The following TMED3 variants were observed in gnomAD, a reference collection of about 807,000 sequenced individuals.
TMED3 encodes the protein transmembrane emp24 domain-containing protein 3.
A neutral mutation model predicts 15.0 loss-of-function variants in TMED3; 9 were observed. That is an observed-to-expected ratio of 0.60 (90% CI 0.36 to 1.04). TMED3 has a LOEUF of 1.04. Ranked by LOEUF, TMED3 falls within the 50% of genes least tolerant of loss-of-function variation. The probability of loss-of-function intolerance (pLI) is 0.01; values close to 1 mark genes in which losing one functional copy is unlikely to be tolerated. For synonymous variants in TMED3, 117 were observed against 121.4 expected, an observed-to-expected ratio of 0.96 and a Z score of 0.24; for missense variants, 267 against 278.9, an observed-to-expected ratio of 0.96 and a Z score of 0.30.
chr15:79,401,707 C>T (rs1434715445), intron 2 of TMED3, among the ~76,000 whole-genome samples: 1 of 152,122 alleles, frequency 6.6e-6, no homozygotes, highest in Non-Finnish European at 1.5e-5. Flanking sequence ...ACCTTTCTGC[C>T]TCTGAGTGCC....
chr15:79,403,346 C>T (rs1161214052), intron 2 of TMED3, among the ~76,000 whole-genome samples: 4 of 151,900 alleles, frequency 2.6e-5, no homozygotes, highest in African/African-American at 9.7e-5. Flanking sequence ...TTTATCTCCC[C>T]TTCCAGAATT....
chr15:79,390,018 A>G (rs144245251), intron 2 of TMED3, among the ~76,000 whole-genome samples: 5,501 of 152,248 alleles, frequency 0.036, 146 homozygotes, highest in Admixed American at 0.083. Context: ...TAGGTAAACA[A>G]TCATATAATC....
chr15:79,385,374 C>T (rs1476024231), intron 2 of TMED3, among the ~76,000 whole-genome samples: 1 of 152,190 alleles, frequency 6.6e-6, no homozygotes, highest in African/African-American at 2.4e-5. Context: ...GTCCCACTTC[C>T]ACAGCACCTC....
At position 79,317,241 on chromosome 15, in the gene TMED3, G is replaced by A. The variant is rs756306566; in HGVS notation, c.417+3236G>A. ...TCCGTGCCGGTTTCTGGCCTGTGTC[G>A]CTGGATCTAGGCCTTTAAAGTGATG... On this transcript the variant is annotated intron_variant, in intron 2 of 2. Coordinates refer to ENST00000299705, the MANE Select transcript of TMED3 (RefSeq NM_007364.4). Among the ~76,000 whole-genome samples, 6 of 152,316 alleles carry A rather than the reference G, an allele frequency of 3.9e-5. No individual in the cohort carries two copies. The Middle Eastern group carries it at 0.014, about 345-fold the overall frequency.
intron 2 of TMED3, among the ~76,000 whole-genome samples, chr15:79,341,294 C>T (rs527993943): frequency 6.7e-6 from 1 of 149,412 alleles, no homozygotes; most frequent in African/African-American, 2.5e-5. Context: ...CACAGAGTTT[C>T]ATGTGGTCTT....
intron 2 of TMED3, chr15:79,383,177 G>T: frequency 1.5e-6 from 1 of 685,104 alleles, no homozygotes; most frequent in African/African-American, 1.8e-5. Context: ...ACCAGTTATT[G>T]CTTACGTGGT....
intron 2 of TMED3, among the ~76,000 whole-genome samples, chr15:79,336,919 A>G (rs2058829367): frequency 6.6e-6 from 1 of 152,230 alleles, no homozygotes; most frequent in Non-Finnish European, 1.5e-5. Context: ...AGTAGTTATA[A>G]TAATAACAGA....
rs150075084 is a variant in TMED3, at chr15:79,311,351, G to T, written c.102G>T (p.Pro34=). 102 of 1,611,840 alleles carry T rather than the reference G, an allele frequency of 6.3e-5. No homozygotes were observed. The African/African-American group carries it at 1.2e-3, about 19-fold the overall frequency. Residue 34 remains proline, a synonymous_variant, in exon 1 of 3, where the codon CCG becomes CCT. Coordinates refer to ENST00000299705, the MANE Select transcript of TMED3 (RefSeq NM_007364.4). ...PCGAELTFEL[P]DNAKQCFHEE... ...GGGCCGAGCTCACCTTCGAGCTGCC[G>T]GACAACGCCAAGCAGTGCTTCCACG...
chr15:79,410,822 A>C (rs1267071240), intron 2 of TMED3, among the ~76,000 whole-genome samples: 1 of 152,184 alleles, frequency 6.6e-6, no homozygotes, highest in Non-Finnish European at 1.5e-5. Context: ...CAAGTGCTTC[A>C]ATCTAAATTA....
chr15:79,327,527 C>G (rs941808534), downstream of TMED3, among the ~76,000 whole-genome samples: 2 of 152,198 alleles, frequency 1.3e-5, no homozygotes, highest in African/African-American at 4.8e-5. Flanking sequence ...TACAAATGTT[C>G]GAGCACAGAG....
intron 2 of TMED3, among the ~76,000 whole-genome samples, chr15:79,372,840 C>T (rs992894600): frequency 9.2e-5 from 14 of 152,200 alleles, no homozygotes; most frequent in African/African-American, 3.1e-4. Context: ...GAACAGAATC[C>T]TTTAGAATTC....
At chr15:79,336,845 C>G (rs949371397) in intron 2 of TMED3, among the ~76,000 whole-genome samples, 4 of 152,214 alleles carry the variant, frequency 2.6e-5, no homozygotes, top group African/African-American at 9.7e-5. Context: ...AATAGAGGGA[C>G]ATAGATATTT....
intron 2 of TMED3, among the ~76,000 whole-genome samples, chr15:79,365,544 G>A (rs984427085): frequency 1.1e-4 from 16 of 152,334 alleles, no homozygotes; most frequent in Admixed American, 3.3e-4. Context: ...GCAGACTGGA[G>A]GGGAAAGAAG....
chr15:79,332,896 T>C (rs528179906), intron 2 of TMED3, among the ~76,000 whole-genome samples: 1 of 152,162 alleles, frequency 6.6e-6, no homozygotes, highest in South Asian at 2.1e-4. Context: ...GCTCACCTCC[T>C]CTCCAGCCTT....
chr15:79,326,156 T>G (rs1361647860), downstream of TMED3, among the ~76,000 whole-genome samples: 1 of 152,186 alleles, frequency 6.6e-6, no homozygotes, highest in Non-Finnish European at 1.5e-5. Flanking sequence ...ATTCAAAAGA[T>G]AATTCAAAGA....
intron 2 of TMED3, among the ~76,000 whole-genome samples, chr15:79,370,801 T>C (rs901912179): frequency 2.6e-5 from 4 of 152,220 alleles, no homozygotes. Flanking sequence ...GTCCTTTGGC[T>C]TCTGATGGTT....
chr15:79,370,448 C>T (rs1005748493), intron 2 of TMED3, among the ~76,000 whole-genome samples: 19 of 151,980 alleles, frequency 1.3e-4, no homozygotes, highest in South Asian at 4.2e-4. Context: ...TCAGCCCCAG[C>T]GATGGGCTCC....
chr15:79,354,845 C>A (rs146130451), intron 2 of TMED3, among the ~76,000 whole-genome samples: 2 of 152,138 alleles, frequency 1.3e-5, no homozygotes, highest in South Asian at 2.1e-4. Context: ...TCTGCCCCCC[C>A]ATTCCGTTTT....
At chr15:79,394,492 C>G (rs1335628420) in intron 2 of TMED3, among the ~76,000 whole-genome samples, 1 of 152,178 alleles carries the variant, frequency 6.6e-6, no homozygotes. Context: ...ATTTTGAAGT[C>G]TAATTGTTAC....
Sources: gnomAD v4.1 joint callset for allele counts (sites outside exome capture counted in the v4.1 genomes callset) on GRCh38, gnomAD v4.1.1 for gene constraint, MANE v1.5 for transcripts, NCBI Gene and HGNC (gene_info 2026-07-23, HGNC 2026-07-21) for gene names.